Variants in SLC35D4 observed in about 807,000 individuals in gnomAD.
SLC35D4 encodes the protein solute carrier family 35 member D4.
At chr18:23,409,113 C>A in the SLC35D4 span, among the ~76,000 whole-genome samples, 1 of 150,224 alleles carries the variant, frequency 6.7e-6, no homozygotes, top group Admixed American at 6.6e-5. Flanking sequence ...CCAGCCTGGG[C>A]AACAAGAGTG....
chr18:23,398,519 A>G, the SLC35D4 span, among the ~76,000 whole-genome samples: 4 of 152,210 alleles, frequency 2.6e-5, no homozygotes, highest in Non-Finnish European at 4.4e-5. Context: ...TCGTGGTCTG[A>G]GCTGAGCAGC....
At chr18:23,290,097 C>T in the SLC35D4 span, among the ~76,000 whole-genome samples, 11 of 152,200 alleles carry the variant, frequency 7.2e-5, no homozygotes, top group Admixed American at 4.6e-4. Flanking sequence ...AGTGAGATGC[C>T]GCGTGGGTGA....
At chr18:23,406,159 T>C in the SLC35D4 span, among the ~76,000 whole-genome samples, 1 of 152,232 alleles carries the variant, frequency 6.6e-6, no homozygotes, top group Non-Finnish European at 1.5e-5. Flanking sequence ...TATAATCTTA[T>C]AACATTTACA....
At chr18:23,314,691 C>T in the SLC35D4 span, among the ~76,000 whole-genome samples, 10 of 152,198 alleles carry the variant, frequency 6.6e-5, no homozygotes, top group African/African-American at 2.4e-4. Flanking sequence ...CCTGTACTAT[C>T]AATTGGTGTA....
At chr18:23,246,532 C>G in the SLC35D4 span, among the ~76,000 whole-genome samples, 2 of 151,818 alleles carry the variant, frequency 1.3e-5, no homozygotes, top group East Asian at 2.0e-4. Flanking sequence ...GCTGGGACTA[C>G]AGGCACCCGC....
chr18:23,374,559 C>CGG, the SLC35D4 span, among the ~76,000 whole-genome samples: 1 of 150,890 alleles, frequency 6.6e-6, no homozygotes, highest in African/African-American at 2.4e-5. Flanking sequence ...GATCTCGGCT[C>CGG]ACCATAACCT....
chr18:23,363,123 TA>T, the SLC35D4 span, among the ~76,000 whole-genome samples: 16 of 151,362 alleles, frequency 1.1e-4, no homozygotes, highest in African/African-American at 3.6e-4. Context: ...CAGGTGCCTA[TA>T]ATCCCAGCTA....
the SLC35D4 span, among the ~76,000 whole-genome samples, chr18:23,338,178 A>G: frequency 1.3e-5 from 2 of 152,258 alleles, no homozygotes; most frequent in Admixed American, 1.3e-4. Flanking sequence ...CTCTTTATAT[A>G]GGTTTAAAAA....
At chr18:23,352,339 C>G in the SLC35D4 span, 13 of 1,447,156 alleles carry the variant, frequency 9.0e-6, no homozygotes, top group East Asian at 2.8e-4. Flanking sequence ...TTCCCTTAGC[C>G]AATGGCTGAC....
chr18:23,294,256 G>A, the SLC35D4 span, among the ~76,000 whole-genome samples: 5 of 152,236 alleles, frequency 3.3e-5, no homozygotes, highest in African/African-American at 1.2e-4. Flanking sequence ...AAGGTCATCA[G>A]GTACCAAACA....
At chr18:23,366,135 C>A in the SLC35D4 span, among the ~76,000 whole-genome samples, 1 of 152,174 alleles carries the variant, frequency 6.6e-6, no homozygotes. Flanking sequence ...ATTGATCCAG[C>A]CCATCTACCA....
chr18:23,323,183 C>T, the SLC35D4 span, among the ~76,000 whole-genome samples: 2 of 152,298 alleles, frequency 1.3e-5, no homozygotes, highest in Admixed American at 6.5e-5. Context: ...CTCAAAGGAG[C>T]GTTCAATAAA....
the SLC35D4 span, among the ~76,000 whole-genome samples, chr18:23,287,467 A>C: frequency 2.0e-5 from 3 of 152,210 alleles, no homozygotes; most frequent in African/African-American, 7.2e-5. Context: ...TTTCTTCCTT[A>C]TCTGTTAGCT....
chr18:23,309,482 C>G, the SLC35D4 span, among the ~76,000 whole-genome samples: 2 of 151,190 alleles, frequency 1.3e-5, no homozygotes, highest in African/African-American at 2.4e-5. Flanking sequence ...GATATATGCA[C>G]TCTTCCCAAT....
chr18:23,405,313 G>A, the SLC35D4 span, among the ~76,000 whole-genome samples: 20 of 152,016 alleles, frequency 1.3e-4, no homozygotes, highest in Admixed American at 1.3e-4. Context: ...TCAACCTCCC[G>A]AGTAGCTGGG....
chr18:23,239,630 A>G, the SLC35D4 span, among the ~76,000 whole-genome samples: 1 of 152,060 alleles, frequency 6.6e-6, no homozygotes, highest in Non-Finnish European at 1.5e-5. Flanking sequence ...TGTGTTGGGG[A>G]ACAGGTATAG....
the SLC35D4 span, among the ~76,000 whole-genome samples, chr18:23,435,421 A>T: frequency 6.6e-6 from 1 of 152,214 alleles, no homozygotes; most frequent in African/African-American, 2.4e-5. Context: ...CGCTAGACAA[A>T]TTAGAAGAGT....
the SLC35D4 span, among the ~76,000 whole-genome samples, chr18:23,364,886 G>C: frequency 9.6e-6 from 1 of 104,506 alleles, no homozygotes; most frequent in Admixed American, 1.6e-4. Context: ...CTGGGCAACA[G>C]AGTGAGACTC....
the SLC35D4 span, among the ~76,000 whole-genome samples, chr18:23,338,357 C>T: frequency 6.6e-6 from 1 of 151,844 alleles, no homozygotes. Flanking sequence ...AAATTCAGAC[C>T]CAGGAAATCA....
Sources: allele counts gnomAD v4.1 joint callset (sites outside exome capture counted in the v4.1 genomes callset), GRCh38; gene constraint gnomAD v4.1.1; transcripts MANE v1.5; gene names NCBI Gene and HGNC (gene_info 2026-07-23, HGNC 2026-07-21).